Variants in OTUD7A observed in about 807,000 individuals in gnomAD.
OTUD7A encodes OTU domain-containing protein 7A.
OTUD7A carries 12 observed loss-of-function variants against 65.7 expected under a neutral mutation model. That is an observed-to-expected ratio of 0.18 (90% CI 0.12 to 0.30). The LOEUF is 0.30. Among genes scored for constraint, OTUD7A ranks in the 10% least tolerant of loss-of-function variants. The pLI is 1.00. For synonymous variants in OTUD7A, 641 were observed against 586.3 expected (o/e 1.09, Z -1.35); for missense variants, 1,148 against 1,304.8 (o/e 0.88, Z 1.85).
chr15:31,558,817 G>C, intron 5 of OTUD7A, 152 bp downstream of exon 5: 1 of 800,036 alleles, frequency 1.2e-6, no homozygotes, highest in African/African-American at 1.7e-5. Context: ...TCGGCCCGTA[G>C]AGCAGGAGGT....
chr15:31,668,724 CT>C (rs1330099824), intron 1 of OTUD7A, among the ~76,000 whole-genome samples: 7 of 152,116 alleles, frequency 4.6e-5, no homozygotes, highest in Non-Finnish European at 2.9e-5. Flanking sequence ...GTTAAAGAGC[CT>C]TGTTTGGTCA....
intron 1 of OTUD7A, among the ~76,000 whole-genome samples, chr15:31,752,283 G>T (rs1894658508): frequency 6.6e-6 from 1 of 151,180 alleles, no homozygotes. Flanking sequence ...CAACTACAAA[G>T]CAAAACTATG....
At chr15:31,555,733 G>A (rs771272238) in intron 5 of OTUD7A, among the ~76,000 whole-genome samples, 9 of 152,136 alleles carry the variant, frequency 5.9e-5, no homozygotes, top group Non-Finnish European at 1.3e-4. Context: ...AAAGGAGTTC[G>A]GAGGAGTCAG....
chr15:31,718,592 T>A (rs1180986877), intron 1 of OTUD7A, among the ~76,000 whole-genome samples: 2 of 150,018 alleles, frequency 1.3e-5, no homozygotes, highest in Non-Finnish European at 3.0e-5. Context: ...ACTTGTTTTT[T>A]CCTGAAGTGC....
intron 5 of OTUD7A, among the ~76,000 whole-genome samples, chr15:31,538,770 T>G (rs886733773): frequency 1.3e-5 from 2 of 152,104 alleles, no homozygotes; most frequent in African/African-American, 4.8e-5. Context: ...TCTGCCATAT[T>G]TGCACCAGCA....
rs2041248773 is a variant in OTUD7A at position 31,487,154 on chromosome 15, A to C, written c.1371+40T>G. ...GTCAGACTGGAGCTGAGCAGCCTGG[A>C]CCCTGCTGCCAGGTCTGGTCCCAGC... On this transcript the variant is annotated intron_variant, in intron 12 of 12. Coordinates refer to ENST00000307050, the MANE Select transcript of OTUD7A (RefSeq NM_001382637.1). The surrounding 1 kb of genome is among the most constrained non-coding windows in gnomAD (Gnocchi z 6.0). The C allele has an allele frequency of 6.3e-7, 1 of 1,580,340 alleles. No homozygotes were observed. Among genetic ancestry groups the C allele is most frequent in the African/African-American group, 1.4e-5 (1 of 73,682 alleles).
At chr15:31,535,073 C>A (rs1887752816) in intron 5 of OTUD7A, among the ~76,000 whole-genome samples, 2 of 152,184 alleles carry the variant, frequency 1.3e-5, no homozygotes, top group South Asian at 4.1e-4. Context: ...TAAAAAGGCA[C>A]AATTATTTTA....
intron 4 of OTUD7A, among the ~76,000 whole-genome samples, chr15:31,563,006 C>T (rs1324408419): frequency 1.3e-5 from 2 of 151,090 alleles, no homozygotes; most frequent in East Asian, 1.9e-4. Context: ...CAATAGGAAT[C>T]GATATGATTG....
At chr15:31,507,729 C>G (rs2125614) in intron 8 of OTUD7A, among the ~76,000 whole-genome samples, 110,590 of 151,982 alleles carry the variant, frequency 0.73, 40,462 homozygotes, top group East Asian at 0.84. Flanking sequence ...TCTTCCCTGT[C>G]ACTGGCTACT....
At chr15:31,646,682 A>C (rs1891682055) in intron 3 of OTUD7A, among the ~76,000 whole-genome samples, 1 of 151,986 alleles carries the variant, frequency 6.6e-6, no homozygotes, top group Non-Finnish European at 1.5e-5. Context: ...GCTGGCCTCG[A>C]ACTCCTGACC....
intron 1 of OTUD7A, among the ~76,000 whole-genome samples, chr15:31,658,649 A>C (rs961787677): frequency 2.6e-5 from 4 of 152,146 alleles, no homozygotes; most frequent in African/African-American, 9.7e-5. Context: ...TTAGTGGAGG[A>C]AGTGGTCCAA....
chr15:31,628,608 A>G (rs1595668759), intron 3 of OTUD7A, among the ~76,000 whole-genome samples: 2 of 152,288 alleles, frequency 1.3e-5, no homozygotes, highest in Non-Finnish European at 2.9e-5. Flanking sequence ...ACTTTAAAGT[A>G]GTTTTTTCCA....
In OTUD7A at chr15:31,480,745, G is replaced by A. The variant is rs2041105855; in HGVS notation, c.*2549C>T. 6.6e-6 allele frequency: 1 copy of A among 152,278 alleles called. No individual in the cohort carries two copies. Among genetic ancestry groups the A allele is most frequent in the South Asian group, 2.1e-4 (1 of 4,830 alleles). The allele number at this position is 152,278 out of a possible 1,614,324, so 9.4% of individuals were successfully genotyped here. On this transcript the variant is annotated 3_prime_UTR_variant, in exon 13 of 13. Transcript: ENST00000307050. ...TTTTGCATTTTTAATACTGTTTAGAGGAAGGATGGATCCAGCTCTCTCACA... is the reference window on the plus strand; with the variant it reads ...TTTTGCATTTTTAATACTGTTTAGAAGAAGGATGGATCCAGCTCTCTCACA...
chr15:31,867,851 C>A (rs1897918682), intron 1 of OTUD7A, among the ~76,000 whole-genome samples: 1 of 152,038 alleles, frequency 6.6e-6, no homozygotes, highest in South Asian at 2.1e-4. Context: ...CAAGTATGTG[C>A]CCCCAACCCT....
At chr15:31,687,710 G>A (rs993581559) in intron 1 of OTUD7A, among the ~76,000 whole-genome samples, 3 of 152,156 alleles carry the variant, frequency 2.0e-5, no homozygotes, top group Non-Finnish European at 4.4e-5. Flanking sequence ...GCTCCCTTGT[G>A]TGATGACCCC....
At chr15:31,621,311 C>G (rs1395445044) in intron 3 of OTUD7A, among the ~76,000 whole-genome samples, 1 of 152,136 alleles carries the variant, frequency 6.6e-6, no homozygotes, top group Non-Finnish European at 1.5e-5. Context: ...AGTTCAATTC[C>G]TGGATATCCT....
intron 1 of OTUD7A, chr15:31,767,215 C>T (rs1342052788): frequency 3.1e-5 from 31 of 1,007,510 alleles, no homozygotes; most frequent in Non-Finnish European, 4.3e-5. Context: ...GACTGGGGAT[C>T]ATCTTGGATT....
chr15:31,521,364 T>A (rs2041935511), intron 8 of OTUD7A, among the ~76,000 whole-genome samples: 1 of 152,190 alleles, frequency 6.6e-6, no homozygotes, highest in Non-Finnish European at 1.5e-5. Context: ...TTGAGAACCA[T>A]CCCTAGATAG....
chr15:31,605,815 ACT>A (rs1243747177), intron 3 of OTUD7A, among the ~76,000 whole-genome samples: 1 of 152,046 alleles, frequency 6.6e-6, no homozygotes, highest in Non-Finnish European at 1.5e-5. Context: ...TCCTGAGCAG[ACT>A]CTGCTCTTTC....
Sources: gnomAD v4.1 joint callset for allele counts (sites outside exome capture counted in the v4.1 genomes callset) on GRCh38, gnomAD v4.1.1 for gene constraint, Gnocchi (gnomAD v3.1) non-coding constraint, MANE v1.5 for transcripts, NCBI Gene and HGNC (gene_info 2026-07-23, HGNC 2026-07-21) for gene names.